SLC18B1: variants seen among roughly 807,000 people sequenced by gnomAD.
The protein encoded by SLC18B1 is solute carrier family 18 member B1, also known as MFS-type transporter SLC18B1.
Under a neutral mutation model 53.9 loss-of-function variants are expected in SLC18B1, and 62 were observed. The ratio of observed to expected loss-of-function variants is 1.15; its 90% CI spans 0.94 to 1.42. The LOEUF is 1.42. SLC18B1 is among the 40% of genes most tolerant of loss of function. The pLI is 0.00. For missense variants in SLC18B1, 598 were observed against 547.3 expected (o/e 1.09, Z -0.93); for synonymous variants, 217 against 200.9 (o/e 1.08, Z -0.68).
chr6:132,779,418 A>C lies in SLC18B1; in HGVS notation c.659-14T>G. ...CTGGATCAGACTCTTTAGGGAAAAA[A>C]TGAAAAAAGAAAAAAAAAATGAAAG... On this transcript the variant is annotated splice_polypyrimidine_tract_variant and intron_variant, in intron 6 of 13. Coordinates refer to ENST00000275227, the MANE Select transcript of SLC18B1 (RefSeq NM_052831.3). The C allele has an allele frequency of 6.4e-7, 1 of 1,566,852 alleles. No homozygotes were observed. The highest frequency in any genetic ancestry group is 1.2e-5 in the South Asian group (1 of 85,288).
rs1405622091 is a variant in SLC18B1 at position 132,776,392 on chromosome 6, A to G, written c.833T>C (p.Leu278Pro). Residue 278 changes from leucine (L) to proline (P), a missense_variant, in exon 8 of 14, where the codon CTG becomes CCG. Coordinates refer to ENST00000275227, the MANE Select transcript of SLC18B1 (RefSeq NM_052831.3). Reference sequence around the variant, plus strand: ...GATGGCATAGGACAGTGCCATACCCAGGAATACTAGTCCCACATATCCAGC... The same window carrying G: ...GATGGCATAGGACAGTGCCATACCCGGGAATACTAGTCCCACATATCCAGC... The part of the protein sequence containing the change: ...LPAGYVGLVF[L>P]GMALSYAISS... The G allele has an allele frequency of 1.2e-6, 2 of 1,613,612 alleles. No individual in the cohort carries two copies. The highest frequency in any genetic ancestry group is 1.7e-5 in the Admixed American group (1 of 59,970).
chr6:132,798,484 G>A lies in SLC18B1; in HGVS notation c.-28C>T. On this transcript the variant is annotated 5_prime_UTR_variant, in exon 1 of 14. Coordinates refer to ENST00000275227, the MANE Select transcript of SLC18B1 (RefSeq NM_052831.3). ...CCGGTGCGTGGACTCCGGCGCCCCA[G>A]CTCCCGGCTTCAAGCCACGTCCTTG... 1.4e-6 allele frequency: 2 copies of A among 1,481,282 alleles called. No individual in the cohort carries two copies. The highest frequency in any genetic ancestry group is 1.4e-5 in the African/African-American group (1 of 69,680). The allele number at this position is 1,481,282 out of a possible 1,614,324, so 91.8% of individuals were successfully genotyped here.
At chr6:132,794,309 G>A (rs1781618929) in intron 2 of SLC18B1, among the ~76,000 whole-genome samples, 1 of 151,820 alleles carries the variant, frequency 6.6e-6, no homozygotes, top group Non-Finnish European at 1.5e-5. Flanking sequence ...TCACCATGTT[G>A]GCCAGGCTGG....
At chr6:132,771,230 G>T in intron 11 of SLC18B1, 101 bp from the exon 12 acceptor site, 2 of 1,037,438 alleles carry the variant, frequency 1.9e-6, no homozygotes, top group Non-Finnish European at 2.9e-6. Context: ...TCATTACATT[G>T]GAAGATAAGT....
chr6:132,778,612 G>A (rs1307745347), intron 7 of SLC18B1, among the ~76,000 whole-genome samples: 1 of 152,060 alleles, frequency 6.6e-6, no homozygotes, highest in African/African-American at 2.4e-5. Context: ...GTCATTATGG[G>A]TTGAAGTTAG....
rs1191258100 is a variant in SLC18B1 at position 132,770,114 on chromosome 6, A to C, written c.*156T>G. ...TTCAGTATCACAGTAAGTACAGCCCAATACAGGATCATCCAAAAACACGTT... is the reference window on the plus strand; with the variant it reads ...TTCAGTATCACAGTAAGTACAGCCCCATACAGGATCATCCAAAAACACGTT... On this transcript the variant is annotated 3_prime_UTR_variant, in exon 14 of 14. Transcript: ENST00000275227. 3.3e-6 allele frequency: 2 copies of C among 605,676 alleles called. No homozygotes were observed. Among genetic ancestry groups the C allele is most frequent in the Non-Finnish European group, 5.9e-6 (2 of 337,908 alleles). The allele number at this position is 605,676 out of a possible 1,614,324, so 37.5% of individuals were successfully genotyped here. A position where few individuals can be genotyped will look rare whatever the true frequency, so the allele number is the denominator to read the frequency against.
chr6:132,788,589 G>A (rs552637530), intron 4 of SLC18B1, among the ~76,000 whole-genome samples: 237 of 152,208 alleles, frequency 1.6e-3, no homozygotes, highest in African/African-American at 5.6e-3. Flanking sequence ...GGAAGGCTGA[G>A]GTGGGTGTAT....
intron 1 of SLC18B1, 42 bp from the exon 2 acceptor site, chr6:132,797,163 T>A: frequency 6.2e-7 from 1 of 1,608,304 alleles, no homozygotes. Flanking sequence ...TAATTGAGAC[T>A]ACTGATTAAA....
intron 8 of SLC18B1, 57 bp downstream of exon 8, chr6:132,776,271 G>T: frequency 7.3e-7 from 1 of 1,378,700 alleles, no homozygotes; most frequent in Non-Finnish European, 1.0e-6. Context: ...GGAACAGTTG[G>T]AAAACCACTG....
At chr6:132,784,237 T>C in intron 5 of SLC18B1, 148 bp from the exon 6 acceptor site, 1 of 495,782 alleles carries the variant, frequency 2.0e-6, no homozygotes. Flanking sequence ...CATATTGAAA[T>C]CATAAAAATA....
At chr6:132,787,808 G>T (rs973212457) in intron 4 of SLC18B1, among the ~76,000 whole-genome samples, 4 of 151,658 alleles carry the variant, frequency 2.6e-5, no homozygotes, top group African/African-American at 9.7e-5. Context: ...CAGCTTAGTC[G>T]CCCTTTTCTG....
chr6:132,772,092 CAAAAA>C, intron 11 of SLC18B1, 35 bp downstream of exon 11: 17 of 1,124,642 alleles, frequency 1.5e-5, no homozygotes, highest in Admixed American at 6.5e-5. Flanking sequence ...AACTCCATCT[CAAAAA>C]AAAAAAAAAA....
intron 2 of SLC18B1, among the ~76,000 whole-genome samples, chr6:132,790,693 A>G (rs1478360565): frequency 1.3e-5 from 2 of 152,168 alleles, no homozygotes; most frequent in Admixed American, 6.5e-5. Flanking sequence ...CAGTCTTCAA[A>G]CTCAAGAATA....
intron 8 of SLC18B1, among the ~76,000 whole-genome samples, chr6:132,775,390 A>T (rs1781073708): frequency 6.6e-6 from 1 of 152,340 alleles, no homozygotes; most frequent in Admixed American, 6.5e-5. Flanking sequence ...CTTATAAACT[A>T]CTTGAATCAG....
At chr6:132,785,111 CTCTCTCAG>C (rs1419623671) in intron 5 of SLC18B1, among the ~76,000 whole-genome samples, 2 of 146,724 alleles carry the variant, frequency 1.4e-5, no homozygotes, top group African/African-American at 2.6e-5. Context: ...TGCTCTCTCT[CTCTCTCAG>C]TGTGTGTGTG....
At chr6:132,789,717 T>C in intron 4 of SLC18B1, 47 bp downstream of exon 4, 1 of 1,275,508 alleles carries the variant, frequency 7.8e-7, no homozygotes, top group Non-Finnish European at 1.1e-6. Context: ...AGAAGATACA[T>C]TACAAAATCT....
intron 11 of SLC18B1, 58 bp from the exon 12 acceptor site, chr6:132,771,187 T>C (rs1780965653): frequency 4.1e-6 from 6 of 1,457,744 alleles, no homozygotes; most frequent in Middle Eastern, 1.7e-4. Context: ...AATTACTTCA[T>C]GAAAAGCTAC....
At chr6:132,785,628 G>A (rs1189457377) in intron 5 of SLC18B1, among the ~76,000 whole-genome samples, 2 of 152,154 alleles carry the variant, frequency 1.3e-5, no homozygotes, top group East Asian at 1.9e-4. Flanking sequence ...CAGAAACTTG[G>A]TACAGCAACA....
At position 132,773,415 on chromosome 6, in the gene SLC18B1, T is replaced by C. The variant is rs557813034; in HGVS notation, c.990-327A>G. On this transcript the variant is annotated intron_variant, in intron 9 of 13. Coordinates refer to ENST00000275227, the MANE Select transcript of SLC18B1 (RefSeq NM_052831.3). ...CCTTCAAAATTGGTGAAAACGTCAG[T>C]ACTAAAACTGTTCTTTCAATCACTC... Among the ~76,000 whole-genome samples the C allele has an allele frequency of 2.0e-3, 311 of 152,266 alleles. 1 individual carries two copies. The highest frequency in any genetic ancestry group is 7.3e-3 in the African/African-American group (302 of 41,560).
Sources: allele counts gnomAD v4.1 joint callset (sites outside exome capture counted in the v4.1 genomes callset), GRCh38; gene constraint gnomAD v4.1.1; transcripts MANE v1.5; gene names NCBI Gene and HGNC (gene_info 2026-07-23, HGNC 2026-07-21).